The following PCYOX1 variants were observed in gnomAD, a reference collection of about 807,000 sequenced individuals.
PCYOX1 encodes prenylcysteine oxidase 1, also known as prenylcysteine lyase.
PCYOX1 carries 46 observed loss-of-function variants against 46.4 expected under a neutral mutation model. The ratio of observed to expected loss-of-function variants is 0.99; its 90% CI spans 0.78 to 1.27. PCYOX1 has a LOEUF of 1.27. Ranked by LOEUF, PCYOX1 falls within the 50% of genes most tolerant of loss-of-function variation. PCYOX1 has a pLI of 0.00. For synonymous variants in PCYOX1, 220 were observed against 231.8 expected (o/e 0.95, Z 0.46); for missense variants, 658 against 628.3 (o/e 1.05, Z -0.51).
In PCYOX1 at chr2:70,281,075, CAAAG is replaced by C. The variant is rs1696767930; in HGVS notation, c.*3686_*3689del. On this transcript the variant is annotated 3_prime_UTR_variant, in exon 6 of 6. Coordinates refer to ENST00000433351, the MANE Select transcript of PCYOX1 (RefSeq NM_016297.4). ...CTCACTACCCCTCTCTACTCACTCA[CAAAG>C]AACCATGATACACTGGAATGTTTTT... 1 of 152,228 alleles carries C rather than the reference CAAAG, an allele frequency of 6.6e-6. No individual in the cohort carries two copies. The highest frequency in any genetic ancestry group is 1.5e-5 in the Non-Finnish European group (1 of 68,068). The allele number at this position is 152,228 out of a possible 1,614,324, so 9.4% of individuals were successfully genotyped here.
At chr2:70,264,491 T>A (rs1242517308) in intron 3 of PCYOX1, among the ~76,000 whole-genome samples, 1 of 151,780 alleles carries the variant, frequency 6.6e-6, no homozygotes, top group East Asian at 2.0e-4. Flanking sequence ...CATACCCAGA[T>A]AATTTTTTTA....
chr2:70,275,582 TC>T lies in PCYOX1; in HGVS notation c.776del (p.Ser259Ter). On this transcript the variant is annotated frameshift_variant, in exon 5 of 6. Transcript: ENST00000433351. LOFTEE classifies it high-confidence loss of function. The stretch of plus-strand genomic sequence containing the variant: ...AGAAGGTGGCAATAAACTTGTTTGC[TC>T]AGGGCTTCTGCAGGCATCCAAAAGC... ...AVEGGNKLVCSGLLQASKSNL... is the reference protein window; with the variant it reads ...AVEGGNKLVCXGLLQASKSNL... 1.2e-6 allele frequency: 2 copies of T among 1,614,160 alleles called. No individual in the cohort carries two copies. Among genetic ancestry groups the T allele is most frequent in the Non-Finnish European group, 1.7e-6 (2 of 1,179,988 alleles).
intron 3 of PCYOX1, among the ~76,000 whole-genome samples, chr2:70,262,384 T>C (rs1390121031): frequency 6.6e-6 from 1 of 152,014 alleles, no homozygotes; most frequent in Non-Finnish European, 1.5e-5. Context: ...CAGGCTGGTC[T>C]CGAACTCCTG....
Position 70,275,171 on chromosome 2 carries a change from G to A in PCYOX1, c.706+1G>A, listed in dbSNP as rs764933256. ...AGCACGGACATCAATGCCTTTGTGG[G>A]TAAGCCAGGGCTTGAAACAGTGGTG... On this transcript the variant is annotated splice_donor_variant, in intron 4 of 5. Transcript: ENST00000433351. LOFTEE classifies it high-confidence loss of function. 3 of 1,609,664 alleles carry A rather than the reference G, an allele frequency of 1.9e-6. No homozygotes were observed. In the South Asian group the frequency reaches 3.3e-5, roughly 18 times the overall value.
chr2:70,276,848 C>G lies in PCYOX1; in HGVS notation c.974C>G (p.Thr325Ser), dbSNP rs368285014. 2 of 1,613,344 alleles carry G rather than the reference C, an allele frequency of 1.2e-6. No individual in the cohort carries two copies. Among genetic ancestry groups the G allele is most frequent in the African/African-American group, 2.7e-5 (2 of 74,910 alleles). Reference protein sequence around the residue: ...TPLNRKMSNITFLNFDPPIEE... With the variant: ...TPLNRKMSNISFLNFDPPIEE... ...TTGAATCGAAAAATGTCGAATATTA[C>G]TTTTCTCAACTTTGATCCTCCAATT... Residue 325 changes from threonine to serine, a missense_variant, in exon 6 of 6, where the codon ACT becomes AGT. By Grantham distance (58) the Thr-to-Ser change is moderately conservative. Transcript: ENST00000433351.
chr2:70,265,909 T>G (rs1696515474), intron 3 of PCYOX1, among the ~76,000 whole-genome samples: 1 of 152,140 alleles, frequency 6.6e-6, no homozygotes, highest in African/African-American at 2.4e-5. Context: ...TTCTTTCATT[T>G]CCCAAACCCA....
chr2:70,258,195 T>A lies in PCYOX1; in HGVS notation c.31T>A (p.Ser11Thr). The A allele has an allele frequency of 1.3e-6, 2 of 1,598,754 alleles. No homozygotes were observed. Among genetic ancestry groups the A allele is most frequent in the Non-Finnish European group, 1.7e-6 (2 of 1,176,488 alleles). Residue 11 changes from serine (S) to threonine (T), a missense_variant, in exon 1 of 6, where the codon TCG (serine) becomes ACG (threonine). By Grantham distance (58) the Ser-to-Thr change is moderately conservative. Transcript: ENST00000433351. MGRVVAELVS[S>T]LLGLWLLLCS... is the part of the protein sequence containing the mutation. ...GCGCGTCGTCGCGGAGCTCGTCTCC[T>A]CGCTGCTGGGGTTGTGGCTGTTGCT...
chr2:70,268,949 G>T (rs1222736433), intron 3 of PCYOX1, among the ~76,000 whole-genome samples: 1 of 152,026 alleles, frequency 6.6e-6, no homozygotes, highest in East Asian at 1.9e-4. Context: ...AGAACTATAA[G>T]AAATAAAACT....
chr2:70,262,681 G>A (rs1032971522), intron 3 of PCYOX1, among the ~76,000 whole-genome samples: 1 of 151,134 alleles, frequency 6.6e-6, no homozygotes, highest in African/African-American at 2.4e-5. Flanking sequence ...GGGTTTCACT[G>A]TGTTAGCCAG....
chr2:70,260,310 C>T (rs1446949315), intron 2 of PCYOX1, among the ~76,000 whole-genome samples: 2 of 152,018 alleles, frequency 1.3e-5, no homozygotes, highest in Admixed American at 6.6e-5. Context: ...TTTGGGAGGC[C>T]GAGGCAGAGG....
chr2:70,280,810 T>G lies in PCYOX1; in HGVS notation c.*3418T>G, dbSNP rs1046772787. ...GAGAGAGGTATATATCTATGAGCCA[T>G]TGTGTTTGGTGTTTTACAAGAACTT... On this transcript the variant is annotated 3_prime_UTR_variant, in exon 6 of 6. Transcript: ENST00000433351. 1 of 152,314 alleles carries G rather than the reference T, an allele frequency of 6.6e-6. No individual in the cohort carries two copies. Among genetic ancestry groups the G allele is most frequent in the East Asian group, 1.9e-4 (1 of 5,186 alleles). 9.4% of individuals were successfully genotyped at this position (152,314 alleles called of 1,614,324 possible).
At position 70,277,807 on chromosome 2, in the gene PCYOX1, AAG is replaced by A. The variant is rs1344936202; in HGVS notation, c.*417_*418del. 1 of 157,188 alleles carries A rather than the reference AAG, an allele frequency of 6.4e-6. No individual in the cohort carries two copies. Among genetic ancestry groups the A allele is most frequent in the Non-Finnish European group, 1.4e-5 (1 of 71,390 alleles). The allele number at this position is 157,188 out of a possible 1,614,324, so 9.7% of individuals were successfully genotyped here. ...TATGGATTCTCAAGCTCCTCTCTTGAAGATTCTGATTCAGTAGGTCTGGGAGT... is the reference window on the plus strand; with the variant it reads ...TATGGATTCTCAAGCTCCTCTCTTGAATTCTGATTCAGTAGGTCTGGGAGT... On this transcript the variant is annotated 3_prime_UTR_variant, in exon 6 of 6. Coordinates refer to ENST00000433351, the MANE Select transcript of PCYOX1 (RefSeq NM_016297.4).
At position 70,277,504 on chromosome 2, in the gene PCYOX1, T is replaced by A. The variant is rs2104901956; in HGVS notation, c.*112T>A. 1 of 826,634 alleles carries A rather than the reference T, an allele frequency of 1.2e-6. No homozygotes were observed. Among genetic ancestry groups the A allele is most frequent in the Non-Finnish European group, 1.9e-6 (1 of 513,720 alleles). 51.2% of individuals were successfully genotyped at this position (826,634 alleles called of 1,614,324 possible). On this transcript the variant is annotated 3_prime_UTR_variant, in exon 6 of 6. Coordinates refer to ENST00000433351, the MANE Select transcript of PCYOX1 (RefSeq NM_016297.4). Reference sequence around the variant, plus strand: ...CAGATATTTTGCCATTATCATTGTTTAATAAAAGTAATCCCTGCTGGTCAT... The same window carrying A: ...CAGATATTTTGCCATTATCATTGTTAAATAAAAGTAATCCCTGCTGGTCAT...
rs1012756363 is a variant in PCYOX1 at position 70,264,362 on chromosome 2, T to C, written c.494+2976T>C. 2.0e-5 allele frequency among the ~76,000 whole-genome samples: 3 copies of C among 151,724 alleles called. No individual in the cohort carries two copies. In the East Asian group the frequency reaches 5.9e-4, roughly 30 times the overall value. Reference sequence around the variant, plus strand: ...TTTTTTTTTGAGATGAGTTTCACTCTGTCACCCAGGCTGGAGTGCAGTGGT... The same window carrying C: ...TTTTTTTTTGAGATGAGTTTCACTCCGTCACCCAGGCTGGAGTGCAGTGGT... On this transcript the variant is annotated intron_variant, in intron 3 of 5. Coordinates refer to ENST00000433351, the MANE Select transcript of PCYOX1 (RefSeq NM_016297.4).
chr2:70,272,919 A>G (rs1341391548), intron 3 of PCYOX1, among the ~76,000 whole-genome samples: 2 of 151,998 alleles, frequency 1.3e-5, no homozygotes, highest in Non-Finnish European at 2.9e-5. Flanking sequence ...GCGGTCTCAA[A>G]CTACTGACCT....
chr2:70,266,506 T>C (rs1435868493), intron 3 of PCYOX1, among the ~76,000 whole-genome samples: 1 of 151,968 alleles, frequency 6.6e-6, no homozygotes, highest in Non-Finnish European at 1.5e-5. Context: ...TTGGGTGTTC[T>C]TCGGAGAGGG....
At position 70,258,271 on chromosome 2, in the gene PCYOX1, A is replaced by C. The variant is rs1696377156; in HGVS notation, c.107A>C (p.Lys36Thr). 1.9e-6 allele frequency: 3 copies of C among 1,584,070 alleles called. No individual in the cohort carries two copies. Residue 36 changes from lysine (K) to threonine (T), a missense_variant, in exon 1 of 6, where the codon AAA becomes ACA. Coordinates refer to ENST00000433351, the MANE Select transcript of PCYOX1 (RefSeq NM_016297.4). ...GCCGAGCTGCGTGCTCCGCCAGATA[A>C]AATCGGTAGGCGAGAAGGGGGCGGC... ...EGAELRAPPD[K>T]IAIIGAGIGG...
intron 5 of PCYOX1, among the ~76,000 whole-genome samples, chr2:70,275,932 C>T (rs1262291404): frequency 6.6e-6 from 1 of 151,764 alleles, no homozygotes; most frequent in Non-Finnish European, 1.5e-5. Context: ...AACCCTGTCT[C>T]TACTAAAAAT....
Position 70,259,494 on chromosome 2 carries a change from CAAG to C in PCYOX1, c.250_252del (p.Glu84del), listed in dbSNP as rs745610193. 6.2e-7 allele frequency: 1 copy of C among 1,614,066 alleles called. No homozygotes were observed. Among genetic ancestry groups the C allele is most frequent in the Admixed American group, 1.7e-5 (1 of 60,004 alleles). On this transcript the variant is annotated inframe_deletion, in exon 2 of 6. Coordinates refer to ENST00000433351, the MANE Select transcript of PCYOX1 (RefSeq NM_016297.4). Reference sequence around the variant, plus strand: ...CCTGGCTACCATGATGGTGCAGGGGCAAGAATACGAGGCAGGAGGTTCTGTCAT... The same window carrying C: ...CCTGGCTACCATGATGGTGCAGGGGCAATACGAGGCAGGAGGTTCTGTCAT...
Sources: allele counts gnomAD v4.1 joint callset (sites outside exome capture counted in the v4.1 genomes callset), GRCh38; gene constraint gnomAD v4.1.1; transcripts MANE v1.5; gene names NCBI Gene and HGNC (gene_info 2026-07-23, HGNC 2026-07-21).